Variants in GFOD2 observed in about 807,000 individuals in gnomAD.
The protein encoded by GFOD2 is Gfo/Idh/MocA-like oxidoreductase domain containing 2, also known as glucose-fructose oxidoreductase domain-containing protein 2.
Under a neutral mutation model 24.6 loss-of-function variants are expected in GFOD2, and 9 were observed. The observed-to-expected ratio is 0.37, with a 90% CI of 0.22 to 0.64. The LOEUF (loss-of-function observed/expected upper bound fraction) is 0.64. Among genes scored for constraint, GFOD2 ranks in the 30% least tolerant of loss-of-function variants. The probability of loss-of-function intolerance (pLI) is 0.65; values close to 1 mark genes in which losing one functional copy is unlikely to be tolerated. For missense variants in GFOD2, 476 were observed against 532.5 expected (o/e 0.89, Z 1.04); for synonymous variants, 211 against 224.8 (o/e 0.94, Z 0.55).
intron 2 of GFOD2, chr16:67,680,644 CT>C: frequency 6.4e-6 from 5 of 783,448 alleles, no homozygotes; most frequent in Non-Finnish European, 7.7e-6. Flanking sequence ...TTATGGGCAT[CT>C]TACGTAGGTC....
chr16:67,691,856 G>A (rs1017682539), intron 1 of GFOD2, among the ~76,000 whole-genome samples: 2 of 152,092 alleles, frequency 1.3e-5, no homozygotes, highest in South Asian at 2.1e-4. Flanking sequence ...GGCCACATTC[G>A]TCCATGAAAC....
At chr16:67,697,425 G>A (rs937379035) in intron 1 of GFOD2, among the ~76,000 whole-genome samples, 1 of 152,152 alleles carries the variant, frequency 6.6e-6, no homozygotes, top group Non-Finnish European at 1.5e-5. Context: ...AGAAATATGA[G>A]GGTCATAATT....
At chr16:67,690,194 G>A (rs903464866) in intron 1 of GFOD2, among the ~76,000 whole-genome samples, 1 of 152,154 alleles carries the variant, frequency 6.6e-6, no homozygotes, top group Non-Finnish European at 1.5e-5. Flanking sequence ...ATACCCAGAA[G>A]TGGAATTGCC....
intron 2 of GFOD2, chr16:67,680,686 G>T: frequency 1.0e-6 from 1 of 977,618 alleles, no homozygotes. Context: ...CCTCAGTGCT[G>T]CAGCAAGGAA....
intron 1 of GFOD2, among the ~76,000 whole-genome samples, chr16:67,687,564 C>G (rs1379878843): frequency 6.7e-6 from 1 of 150,240 alleles, no homozygotes; most frequent in East Asian, 1.9e-4. Flanking sequence ...TGGCGTGAAC[C>G]CAGGAGGCGG....
At chr16:67,717,188 G>A (rs1294472787) in intron 1 of GFOD2, among the ~76,000 whole-genome samples, 4 of 152,128 alleles carry the variant, frequency 2.6e-5, no homozygotes, top group Non-Finnish European at 4.4e-5. Context: ...GAGCTACTGC[G>A]CCCGGCCCAA....
intron 1 of GFOD2, among the ~76,000 whole-genome samples, chr16:67,697,939 T>C (rs141248006): frequency 4.3e-4 from 65 of 152,246 alleles, no homozygotes; most frequent in Middle Eastern, 3.4e-3. Context: ...TCTCAAGAGT[T>C]TGGACTTTGA....
chr16:67,679,262 T>A (rs1341740560), intron 2 of GFOD2, among the ~76,000 whole-genome samples: 2 of 151,742 alleles, frequency 1.3e-5, no homozygotes, highest in Non-Finnish European at 2.9e-5. Flanking sequence ...GACAGAGTTT[T>A]GCTCTTGTCG....
intron 2 of GFOD2, chr16:67,683,765 T>A (rs2053245264): frequency 2.4e-6 from 3 of 1,227,212 alleles, no homozygotes; most frequent in Non-Finnish European, 3.0e-6. Flanking sequence ...GACCCTGAGG[T>A]TTGCCACCAT....
chr16:67,694,458 G>GT (rs905105851), intron 1 of GFOD2, among the ~76,000 whole-genome samples: 9 of 151,904 alleles, frequency 5.9e-5, no homozygotes, highest in South Asian at 4.2e-4. Context: ...TAATAAAAAA[G>GT]TTTTTTTTAA....
intron 1 of GFOD2, among the ~76,000 whole-genome samples, chr16:67,707,558 C>CAA (rs2053447621): frequency 6.6e-6 from 1 of 151,844 alleles, no homozygotes; most frequent in Admixed American, 6.6e-5. Flanking sequence ...AACATAAGTC[C>CAA]ACAAAAAAAA....
At chr16:67,700,012 T>G (rs1597800121) in intron 1 of GFOD2, among the ~76,000 whole-genome samples, 1 of 151,798 alleles carries the variant, frequency 6.6e-6, no homozygotes, top group African/African-American at 2.4e-5. Context: ...GAGGTGGAGG[T>G]TGCAGTGAGC....
intron 1 of GFOD2, among the ~76,000 whole-genome samples, chr16:67,688,687 A>G (rs989891077): frequency 6.6e-6 from 1 of 151,148 alleles, no homozygotes; most frequent in Admixed American, 6.6e-5. Context: ...CTCTTTTTAA[A>G]CTTTAATGTT....
chr16:67,713,380 G>A (rs1172308531), intron 1 of GFOD2, among the ~76,000 whole-genome samples: 1 of 152,148 alleles, frequency 6.6e-6, no homozygotes, highest in Admixed American at 6.5e-5. Flanking sequence ...AACACCTGCT[G>A]GTGTCCTTCA....
rs2142992997 is a variant in GFOD2 at position 67,681,830 on chromosome 16, C to T, written c.259+3627G>A. The T allele has an allele frequency of 7.1e-6, 7 of 985,288 alleles. No individual in the cohort carries two copies. The South Asian group carries it at 2.8e-4, about 40-fold the overall frequency. The allele number at this position is 985,288 out of a possible 1,614,324, so 61.0% of individuals were successfully genotyped here. ...AGAGTCTTTGGGTAGCCATGAAAGA[C>T]ATGTCTACCTGAGTTTATCTAGCTC... is the stretch of plus-strand genomic sequence containing the variant. On this transcript the variant is annotated intron_variant, in intron 2 of 2. Transcript: ENST00000268797.
At chr16:67,683,738 G>T in intron 2 of GFOD2, 3 of 1,228,510 alleles carry the variant, frequency 2.4e-6, no homozygotes, top group Non-Finnish European at 3.0e-6. Flanking sequence ...TCAGAATGAG[G>T]GAGGAGATAA....
chr16:67,708,986 G>A (rs1176719894), intron 1 of GFOD2, among the ~76,000 whole-genome samples: 1 of 152,140 alleles, frequency 6.6e-6, no homozygotes, highest in Admixed American at 6.6e-5. Context: ...TATGAAGTGA[G>A]ACAGATCCTC....
At chr16:67,716,202 T>G (rs2053505127) in intron 1 of GFOD2, among the ~76,000 whole-genome samples, 1 of 152,138 alleles carries the variant, frequency 6.6e-6, no homozygotes, top group Non-Finnish European at 1.5e-5. Context: ...AACTAGAAAA[T>G]CAGTTCAGTG....
At chr16:67,702,722 C>A (rs1303431265) in intron 1 of GFOD2, among the ~76,000 whole-genome samples, 4 of 151,314 alleles carry the variant, frequency 2.6e-5, no homozygotes, top group African/African-American at 9.7e-5. Context: ...GCCTCAACCT[C>A]CCGAGTAGCT....
Sources: gnomAD v4.1 joint callset for allele counts (sites outside exome capture counted in the v4.1 genomes callset) on GRCh38, gnomAD v4.1.1 for gene constraint, MANE v1.5 for transcripts, NCBI Gene and HGNC (gene_info 2026-07-23, HGNC 2026-07-21) for gene names.